DIP2A: variants seen among roughly 807,000 people sequenced by gnomAD.
The protein encoded by DIP2A is DIP2 acetate--CoA ligase A, also known as disco-interacting protein 2 homolog A.
DIP2A carries 85 observed loss-of-function variants against 177.4 expected under a neutral mutation model. The observed-to-expected ratio is 0.48, with a 90% CI of 0.40 to 0.57. The LOEUF is 0.57. Among genes scored for constraint, DIP2A ranks in the 20% least tolerant of loss-of-function variants. DIP2A has a pLI of 0.00. For synonymous variants in DIP2A, 886 were observed against 881.8 expected (o/e 1.00, Z -0.08); for missense variants, 1,791 against 2,100.2 (o/e 0.85, Z 2.88).
chr21:46,557,128 C>A lies in DIP2A; in HGVS notation c.3629+59C>A. On this transcript the variant is annotated intron_variant, in intron 30 of 37. Coordinates refer to ENST00000417564, the MANE Select transcript of DIP2A (RefSeq NM_015151.4). This position sits in a 1 kb window ranked among gnomAD's most constrained non-coding sequence, Gnocchi z 6.0. ...GAGCAGCTCGTGTGGCTCTTAGGAA[C>A]CTTGGCCTTCTAAGGCACCTTTTCT... 6.6e-7 allele frequency: 1 copy of A among 1,521,578 alleles called. No individual in the cohort carries two copies. The highest frequency in any genetic ancestry group is 8.9e-7 in the Non-Finnish European group (1 of 1,128,318). 94.3% of individuals were successfully genotyped at this position (1,521,578 alleles called of 1,614,324 possible).
At chr21:46,528,322 A>G (rs1175441612) in intron 8 of DIP2A, among the ~76,000 whole-genome samples, 1 of 151,908 alleles carries the variant, frequency 6.6e-6, no homozygotes, top group Non-Finnish European at 1.5e-5. Context: ...ATTATGTGCT[A>G]CTCTTACAAA....
Position 46,535,237 on chromosome 21 carries a change from G to T in DIP2A, c.1642+550G>T, listed in dbSNP as rs184424817. On this transcript the variant is annotated intron_variant, in intron 13 of 37. Coordinates refer to ENST00000417564, the MANE Select transcript of DIP2A (RefSeq NM_015151.4). ...AGCACCTGATTTACTTCAAATGTCA[G>T]ATACTTAACTTGAGATATCTTTAAA... Among the ~76,000 whole-genome samples the T allele has an allele frequency of 9.3e-4, 141 of 152,284 alleles. 1 individual carries two copies. The highest frequency in any genetic ancestry group is 3.2e-3 in the African/African-American group (131 of 41,540).
chr21:46,472,114 G>A (rs537515703), intron 1 of DIP2A, among the ~76,000 whole-genome samples: 2 of 152,270 alleles, frequency 1.3e-5, no homozygotes, highest in South Asian at 4.1e-4. Context: ...AGGTCAAGGG[G>A]GTGGGCCCTC....
intron 1 of DIP2A, among the ~76,000 whole-genome samples, chr21:46,460,378 A>T (rs2054192254): frequency 6.6e-6 from 1 of 152,222 alleles, no homozygotes; most frequent in Admixed American, 6.5e-5. Flanking sequence ...AAGGACTTGC[A>T]GTCCTTGAAG....
intron 15 of DIP2A, among the ~76,000 whole-genome samples, chr21:46,538,080 G>T (rs1450173342): frequency 6.6e-6 from 1 of 152,178 alleles, no homozygotes; most frequent in Non-Finnish European, 1.5e-5. Context: ...CCACATGCTA[G>T]CCAGTGCAGG....
At position 46,518,433 on chromosome 21, in the gene DIP2A, C is replaced by T. The variant is rs183517879; in HGVS notation, c.1102+6819C>T. On this transcript the variant is annotated intron_variant, in intron 8 of 37. Coordinates refer to ENST00000417564, the MANE Select transcript of DIP2A (RefSeq NM_015151.4). ...CAGGCTTATGAATTTTAGCTACTCT[C>T]GTGAGAATATGGTGGTATTTCATTG... 1.6e-3 allele frequency among the ~76,000 whole-genome samples: 243 copies of T among 152,272 alleles called. 3 individuals carry two copies. Among genetic ancestry groups the T allele is most frequent in the South Asian group, 2.1e-4 (1 of 4,824 alleles).
At chr21:46,551,774 G>T (rs201834588) in intron 24 of DIP2A, 31 bp downstream of exon 24, 5 of 1,613,330 alleles carry the variant, frequency 3.1e-6, no homozygotes, top group Non-Finnish European at 4.2e-6. Context: ...ACGGGTGGAC[G>T]GGTGTCTGTG....
rs2057396891 is a variant in DIP2A at position 46,497,045 on chromosome 21, C to T, written c.341C>T (p.Pro114Leu). 6.2e-7 allele frequency: 1 copy of T among 1,613,896 alleles called. No homozygotes were observed. The highest frequency in any genetic ancestry group is 1.1e-5 in the South Asian group (1 of 91,068). ...ALAKYKERKM[P>L]MPSKRRSVLV... ...GCCAAATACAAAGAGAGGAAGATGC[C>T]TATGCCTTCGAAGAGACGTTCTGTC... Residue 114 changes from proline (P) to leucine (L), a missense_variant, in exon 4 of 38, where the codon CCT becomes CTT. By Grantham distance (98) the Pro-to-Leu change is moderately conservative (BLOSUM62 -3). Transcript: ENST00000417564.
Position 46,459,164 on chromosome 21 carries a change from G to A in DIP2A, c.33G>A (p.Ala11=). 1.3e-6 allele frequency: 2 copies of A among 1,519,694 alleles called. No homozygotes were observed. Among genetic ancestry groups the A allele is most frequent in the Non-Finnish European group, 1.8e-6 (2 of 1,134,626 alleles). The allele number at this position is 1,519,694 out of a possible 1,614,324, so 94.1% of individuals were successfully genotyped here. MADRGCPLEA[A]PLPAEVRESL... ...ACCGCGGGTGCCCGCTGGAGGCGGC[G>A]CCGCTGCCTGCCGAGGTGCGGGAGA... The change falls in exon 1 of 38, where the codon GCG becomes GCA. Residue 11 remains alanine (A), a synonymous_variant. Transcript: ENST00000417564.
At chr21:46,470,304 G>A (rs2055236434) in intron 1 of DIP2A, among the ~76,000 whole-genome samples, 2 of 152,098 alleles carry the variant, frequency 1.3e-5, no homozygotes. Context: ...GAGAAACCCC[G>A]TCTCTACTAA....
At chr21:46,516,323 T>C (rs1347838154) in intron 8 of DIP2A, among the ~76,000 whole-genome samples, 1 of 151,810 alleles carries the variant, frequency 6.6e-6, no homozygotes, top group Non-Finnish European at 1.5e-5. Flanking sequence ...TCCTCACTTT[T>C]TTTCTTCTCT....
rs2070432 is a variant in DIP2A, at chr21:46,537,419, G to A, written c.1708-27G>A. 0.3 allele frequency: 491,271 copies of A among 1,611,160 alleles called. 77,167 individuals are homozygous for A. Among genetic ancestry groups the A allele is most frequent in the East Asian group, 0.43 (19,475 of 44,810 alleles). ...TTTCTGGTGTGGCTCGGGCCCACTC[G>A]CCCTAAGCATGTGTGCTCCCCCACA... is the stretch of plus-strand genomic sequence containing the variant. On this transcript the variant is annotated intron_variant, in intron 14 of 37. Coordinates refer to ENST00000417564, the MANE Select transcript of DIP2A (RefSeq NM_015151.4). The surrounding 1 kb of genome is among the most constrained non-coding windows in gnomAD (Gnocchi z 4.1).
At chr21:46,566,356 C>G (rs2839334) in intron 36 of DIP2A, among the ~76,000 whole-genome samples, 19,954 of 152,184 alleles carry the variant, frequency 0.13, 1,848 homozygotes, top group African/African-American at 0.26. Context: ...CTGTAACTTT[C>G]CTGAGGTGGT....
intron 28 of DIP2A, chr21:46,555,693 A>G: frequency 2.3e-6 from 1 of 429,432 alleles, no homozygotes; most frequent in South Asian, 2.2e-5. Flanking sequence ...TAGTCCTCTA[A>G]TCTTTCCTAC....
the DIP2A span, among the ~76,000 whole-genome samples, chr21:46,576,366 CAT>C: frequency 1.3e-5 from 2 of 152,082 alleles, no homozygotes; most frequent in Non-Finnish European, 2.9e-5. Context: ...TAAGTGAGAA[CAT>C]GTGGTGTTTG....
chr21:46,510,979 G>A (rs904178897), intron 7 of DIP2A, among the ~76,000 whole-genome samples: 2 of 152,184 alleles, frequency 1.3e-5, no homozygotes, highest in African/African-American at 4.8e-5. Flanking sequence ...CATAGTGATA[G>A]TTGTTTGGAT....
chr21:46,520,933 G>A (rs563590938), intron 8 of DIP2A, among the ~76,000 whole-genome samples: 50 of 152,220 alleles, frequency 3.3e-4, no homozygotes, highest in African/African-American at 1.1e-3. Flanking sequence ...AATTAGGTCA[G>A]GAAAAGGCAG....
intron 1 of DIP2A, among the ~76,000 whole-genome samples, chr21:46,474,177 T>C (rs568669726): frequency 1.0e-3 from 158 of 151,866 alleles, no homozygotes; most frequent in Non-Finnish European, 1.8e-3. Context: ...GACTCTGGAG[T>C]TTCTGAAACA....
At chr21:46,547,158 T>C in intron 21 of DIP2A, 116 bp downstream of exon 21, 1 of 1,470,698 alleles carries the variant, frequency 6.8e-7, no homozygotes, top group South Asian at 1.4e-5. Context: ...CTAAAAATTG[T>C]TGTACATCAG....
Sources: gnomAD v4.1 joint callset for allele counts (sites outside exome capture counted in the v4.1 genomes callset) on GRCh38, gnomAD v4.1.1 for gene constraint, Gnocchi (gnomAD v3.1) non-coding constraint, MANE v1.5 for transcripts, NCBI Gene and HGNC (gene_info 2026-07-23, HGNC 2026-07-21) for gene names.